Variants in KCNH7 observed in about 807,000 individuals in gnomAD.
KCNH7 encodes the protein voltage-gated inwardly rectifying potassium channel KCNH7.
Under a neutral mutation model 120.8 loss-of-function variants are expected in KCNH7, and 49 were observed. The ratio of observed to expected loss-of-function variants is 0.41; its 90% CI spans 0.32 to 0.51. The LOEUF (loss-of-function observed/expected upper bound fraction) is 0.51, where lower values mean the gene tolerates loss of function less well. Among genes scored for constraint, KCNH7 ranks in the 20% least tolerant of loss-of-function variants. The probability of loss-of-function intolerance (pLI) is 0.38; values close to 1 mark genes in which losing one functional copy is unlikely to be tolerated. For missense variants in KCNH7, 1,097 were observed against 1,446.6 expected (o/e 0.76, Z 3.92); for synonymous variants, 547 against 516.1 (o/e 1.06, Z -0.81).
At chr2:162,659,978 T>C (rs980308333) in intron 2 of KCNH7, among the ~76,000 whole-genome samples, 10 of 152,148 alleles carry the variant, frequency 6.6e-5, no homozygotes, top group African/African-American at 2.4e-4. Context: ...TGATGTCTCC[T>C]CTTCCCTTTC....
chr2:162,437,533 G>A (rs1558944824), intron 7 of KCNH7, among the ~76,000 whole-genome samples: 1 of 152,056 alleles, frequency 6.6e-6, no homozygotes, highest in Non-Finnish European at 1.5e-5. Context: ...TATGTGCTAC[G>A]ACTTTGGAAC....
chr2:162,542,349 A>G (rs1220647688), intron 2 of KCNH7, among the ~76,000 whole-genome samples: 2 of 149,840 alleles, frequency 1.3e-5, no homozygotes, highest in Non-Finnish European at 3.0e-5. Context: ...TGCTGCACCC[A>G]TTAACTCGTC....
chr2:162,681,405 T>C (rs1188303607), intron 2 of KCNH7, among the ~76,000 whole-genome samples: 2 of 151,762 alleles, frequency 1.3e-5, no homozygotes, highest in Admixed American at 6.6e-5. Context: ...TTCTCCTTTT[T>C]GTTCTGGTGA....
intron 2 of KCNH7, among the ~76,000 whole-genome samples, chr2:162,699,466 G>A (rs578245755): frequency 3.2e-4 from 49 of 152,194 alleles, no homozygotes; most frequent in Non-Finnish European, 5.9e-4. Context: ...CAGTAGAAAT[G>A]TACTGGATAA....
At chr2:162,455,812 A>G (rs192193693) in intron 6 of KCNH7, among the ~76,000 whole-genome samples, 2 of 151,854 alleles carry the variant, frequency 1.3e-5, no homozygotes, top group Non-Finnish European at 2.9e-5. Flanking sequence ...TATTGTGTCT[A>G]TTTGATTCTT....
intron 9 of KCNH7, among the ~76,000 whole-genome samples, chr2:162,418,542 A>G (rs1272628962): frequency 6.6e-6 from 1 of 152,160 alleles, no homozygotes; most frequent in African/African-American, 2.4e-5. Context: ...CATAACTGAA[A>G]GAGTTCACCA....
intron 2 of KCNH7, among the ~76,000 whole-genome samples, chr2:162,565,467 AT>A (rs1042121218): frequency 1.2e-4 from 18 of 152,100 alleles, no homozygotes; most frequent in Admixed American, 6.6e-5. Context: ...GCATACAAAA[AT>A]ATCTAGATAA....
At chr2:162,388,690 G>A (rs890490584) in intron 12 of KCNH7, among the ~76,000 whole-genome samples, 1 of 151,794 alleles carries the variant, frequency 6.6e-6, no homozygotes, top group Admixed American at 6.6e-5. Context: ...ATAAAAATAA[G>A]TTTATCACTG....
chr2:162,538,014 A>C (rs1692171362), intron 2 of KCNH7: 2 of 152,082 alleles, frequency 1.3e-5, no homozygotes, highest in South Asian at 4.1e-4. Flanking sequence ...AAGGTAATGG[A>C]AATTTCACAG....
At chr2:162,635,719 T>A (rs542673294) in intron 2 of KCNH7, among the ~76,000 whole-genome samples, 3 of 152,256 alleles carry the variant, frequency 2.0e-5, no homozygotes, top group African/African-American at 7.2e-5. Context: ...CTCCATTTTA[T>A]CTTGTGCAAA....
At chr2:162,668,547 A>G (rs1036795148) in intron 2 of KCNH7, among the ~76,000 whole-genome samples, 3 of 152,164 alleles carry the variant, frequency 2.0e-5, no homozygotes, top group African/African-American at 7.2e-5. Flanking sequence ...AACAAAAGTG[A>G]TACAGGGTTT....
intron 6 of KCNH7, among the ~76,000 whole-genome samples, chr2:162,459,470 G>A (rs1354700133): frequency 6.6e-6 from 1 of 152,106 alleles, no homozygotes; most frequent in Non-Finnish European, 1.5e-5. Context: ...AGCCCCATTT[G>A]CAATCAGGTA....
intron 7 of KCNH7, among the ~76,000 whole-genome samples, chr2:162,439,194 A>G (rs2105532804): frequency 6.6e-6 from 1 of 151,966 alleles, no homozygotes; most frequent in East Asian, 1.9e-4. Flanking sequence ...AAATTTGTTC[A>G]CAATTTTAAA....
intron 6 of KCNH7, among the ~76,000 whole-genome samples, chr2:162,481,714 T>A (rs930436666): frequency 3.3e-5 from 5 of 152,208 alleles, no homozygotes; most frequent in Admixed American, 3.3e-4. Flanking sequence ...ATGAGGTTGT[T>A]ACTCCCTCTC....
In KCNH7 at chr2:162,628,981, T is replaced by C. The variant is rs139809103; in HGVS notation, c.308-91901A>G. Among the ~76,000 whole-genome samples the C allele has an allele frequency of 7.9e-5, 12 of 152,214 alleles. 1 individual carries two copies. Among genetic ancestry groups the C allele is most frequent in the Middle Eastern group, 3.4e-3 (1 of 294 alleles). On this transcript the variant is annotated intron_variant, in intron 2 of 15. Coordinates refer to ENST00000332142, the MANE Select transcript of KCNH7 (RefSeq NM_033272.4). ...GCAAGGCATAAGGGCAGTAGGAATATGGCAGTATAGCATAGAGGATTGGGA... is the reference window on the plus strand; with the variant it reads ...GCAAGGCATAAGGGCAGTAGGAATACGGCAGTATAGCATAGAGGATTGGGA...
intron 2 of KCNH7, among the ~76,000 whole-genome samples, chr2:162,737,388 GA>G (rs959554218): frequency 6.6e-6 from 1 of 152,126 alleles, no homozygotes; most frequent in African/African-American, 2.4e-5. Context: ...AAGAGGACAG[GA>G]GACATGGAGA....
intron 2 of KCNH7, among the ~76,000 whole-genome samples, chr2:162,667,683 T>A (rs1341010303): frequency 1.3e-5 from 2 of 152,202 alleles, no homozygotes. Context: ...ATTCTTCAGA[T>A]CTACTGGTTC....
At chr2:162,418,173 TC>T (rs1687594320) in intron 9 of KCNH7, among the ~76,000 whole-genome samples, 1 of 152,156 alleles carries the variant, frequency 6.6e-6, no homozygotes, top group African/African-American at 2.4e-5. Context: ...TTAATTCAAC[TC>T]CTAAATGGTA....
intron 2 of KCNH7, among the ~76,000 whole-genome samples, chr2:162,750,027 C>G (rs572103376): frequency 6.6e-6 from 1 of 152,196 alleles, no homozygotes; most frequent in South Asian, 2.1e-4. Context: ...ACTTAGATAG[C>G]CTAGGAAGGT....
Sources: allele counts gnomAD v4.1 joint callset (sites outside exome capture counted in the v4.1 genomes callset), GRCh38; gene constraint gnomAD v4.1.1; transcripts MANE v1.5; gene names NCBI Gene and HGNC (gene_info 2026-07-23, HGNC 2026-07-21).